TSNARE1: variants seen among roughly 807,000 people sequenced by gnomAD.
The protein encoded by TSNARE1 is t-SNARE domain containing 1.
TSNARE1 carries 49 observed loss-of-function variants against 62.0 expected under a neutral mutation model. That is an observed-to-expected ratio of 0.79 (90% CI 0.63 to 1.00). The LOEUF (loss-of-function observed/expected upper bound fraction) is 1.00, where lower values mean the gene tolerates loss of function less well. TSNARE1 is among the 50% of genes least tolerant of loss of function. The pLI is 0.00. For synonymous variants in TSNARE1, 328 were observed against 294.4 expected, an observed-to-expected ratio of 1.11 and a Z score of -1.17; for missense variants, 755 against 700.1, an observed-to-expected ratio of 1.08 and a Z score of -0.88.
intron 4 of TSNARE1, among the ~76,000 whole-genome samples, chr8:142,340,269 C>T (rs1244401650): frequency 6.6e-6 from 1 of 152,242 alleles, no homozygotes; most frequent in Admixed American, 6.5e-5. Context: ...GAGGCATGTC[C>T]CGTGTTTCCT....
chr8:142,246,821 G>A (rs1021255883), intron 12 of TSNARE1, among the ~76,000 whole-genome samples: 1 of 152,190 alleles, frequency 6.6e-6, no homozygotes, highest in African/African-American at 2.4e-5. Context: ...CCTCCTTCCA[G>A]TCATCCCCAC....
chr8:142,343,228 G>A (rs547815578), intron 4 of TSNARE1, among the ~76,000 whole-genome samples: 32 of 152,334 alleles, frequency 2.1e-4, no homozygotes, highest in East Asian at 1.4e-3. Flanking sequence ...ACCACAGGGC[G>A]GCGCCAGCCT....
At chr8:142,307,648 A>G (rs1415337405) in intron 9 of TSNARE1, among the ~76,000 whole-genome samples, 2 of 152,256 alleles carry the variant, frequency 1.3e-5, no homozygotes, top group Non-Finnish European at 2.9e-5. Context: ...TGTTCAGAAC[A>G]GCTGCCATCT....
In TSNARE1 at chr8:142,335,077, T is replaced by C. The variant is rs78326650; in HGVS notation, c.746-3246A>G. 5.7e-3 allele frequency among the ~76,000 whole-genome samples: 873 copies of C among 152,354 alleles called. 11 individuals are homozygous for C. Among genetic ancestry groups the C allele is most frequent in the African/African-American group, 0.02 (832 of 41,572 alleles). On this transcript the variant is annotated intron_variant, in intron 4 of 13. Transcript: ENST00000524325. ...TGTAAAAGCAAAATCCGTAACTATG[T>C]GCCGGGGTCATCATGTGTTATAAAT...
chr8:142,314,877 C>T (rs1014696945), intron 8 of TSNARE1, 126 bp downstream of exon 8: 6 of 889,206 alleles, frequency 6.7e-6, no homozygotes, highest in Non-Finnish European at 1.1e-5. Flanking sequence ...GAACAACCCT[C>T]TTCTCTGCCT....
At chr8:142,255,842 C>T (rs868645415) in intron 12 of TSNARE1, among the ~76,000 whole-genome samples, 4 of 70,772 alleles carry the variant, frequency 5.7e-5, no homozygotes, top group South Asian at 5.1e-4. Flanking sequence ...ACCACCACCA[C>T]CATCACCACC....
intron 12 of TSNARE1, among the ~76,000 whole-genome samples, chr8:142,238,084 C>A (rs1188531190): frequency 6.6e-6 from 1 of 152,146 alleles, no homozygotes; most frequent in Non-Finnish European, 1.5e-5. Flanking sequence ...CTGTGACTGT[C>A]AGGCATCCTG....
In TSNARE1 at chr8:142,401,266, C is replaced by T. The variant is rs186440367; in HGVS notation, c.-40+1838G>A. On this transcript the variant is annotated intron_variant, in intron 1 of 13. Transcript: ENST00000524325. Reference sequence around the variant, plus strand: ...CCTACTCTCGGTGCTGGGTGGGGTGCTCAGGACACAAGGGTGACACAGCAG... The same window carrying T: ...CCTACTCTCGGTGCTGGGTGGGGTGTTCAGGACACAAGGGTGACACAGCAG... Among the ~76,000 whole-genome samples the T allele has an allele frequency of 2.4e-4, 36 of 152,160 alleles. 1 individual carries two copies. Among genetic ancestry groups the T allele is most frequent in the Admixed American group, 2.0e-3 (30 of 15,276 alleles).
intron 1 of TSNARE1, among the ~76,000 whole-genome samples, chr8:142,396,897 G>A (rs183074255): frequency 5.3e-4 from 80 of 152,352 alleles, no homozygotes; most frequent in African/African-American, 1.7e-3. Flanking sequence ...TCTACTGTGC[G>A]AGCTGGCCGT....
At chr8:142,224,137 G>A (rs11988625) in intron 13 of TSNARE1, among the ~76,000 whole-genome samples, 48,100 of 152,034 alleles carry the variant, frequency 0.32, 8,522 homozygotes, top group Non-Finnish European at 0.4. Flanking sequence ...TACAGCAAGA[G>A]GCCTCCTCAC....
intron 13 of TSNARE1, among the ~76,000 whole-genome samples, chr8:142,228,495 G>A (rs142962968): frequency 1.6e-3 from 242 of 152,270 alleles, no homozygotes; most frequent in African/African-American, 5.1e-3. Context: ...CCTCACTGAC[G>A]CCTCATTCCT....
At chr8:142,255,107 C>T (rs1415099234) in intron 12 of TSNARE1, among the ~76,000 whole-genome samples, 4 of 152,026 alleles carry the variant, frequency 2.6e-5, no homozygotes, top group African/African-American at 9.7e-5. Context: ...TACAGAGGCC[C>T]CCAGCGGCTG....
chr8:142,273,701 G>A, intron 12 of TSNARE1: 1 of 985,418 alleles, frequency 1.0e-6, no homozygotes, highest in Non-Finnish European at 1.2e-6. Flanking sequence ...CACTCCCACA[G>A]TGGGGGTGCC....
chr8:142,223,984 T>C (rs192892951), intron 13 of TSNARE1, among the ~76,000 whole-genome samples: 4 of 48,422 alleles, frequency 8.3e-5, no homozygotes, highest in East Asian at 5.9e-4. Flanking sequence ...CAGGGCTTTC[T>C]GAAGAGACTG....
chr8:142,281,377 G>A (rs973691260), intron 11 of TSNARE1, among the ~76,000 whole-genome samples: 3 of 152,076 alleles, frequency 2.0e-5, no homozygotes, highest in Non-Finnish European at 2.9e-5. Flanking sequence ...CCCTCCAGTG[G>A]GAGCGGGAAA....
At chr8:142,379,150 C>T (rs1462143179) in intron 1 of TSNARE1, among the ~76,000 whole-genome samples, 1 of 152,228 alleles carries the variant, frequency 6.6e-6, no homozygotes, top group East Asian at 1.9e-4. Flanking sequence ...CCCACGTCAG[C>T]GCCTCAGCAG....
intron 1 of TSNARE1, chr8:142,402,770 C>G (rs910493696): frequency 1.3e-5 from 2 of 152,260 alleles, no homozygotes; most frequent in African/African-American, 4.8e-5. Context: ...CACCGGCTGC[C>G]CGGCCCAGAG....
intron 13 of TSNARE1, among the ~76,000 whole-genome samples, chr8:142,228,137 G>C (rs1816926260): frequency 6.6e-6 from 1 of 152,202 alleles, no homozygotes; most frequent in Non-Finnish European, 1.5e-5. Flanking sequence ...ATGCAGCAAT[G>C]GCCAACATCT....
intron 12 of TSNARE1, among the ~76,000 whole-genome samples, chr8:142,256,543 C>T (rs1204066634): frequency 7.1e-5 from 3 of 42,378 alleles, no homozygotes; most frequent in African/African-American, 1.4e-4. Context: ...TCACCATCAC[C>T]ACCATCACCA....
Sources: gnomAD v4.1 joint callset for allele counts (sites outside exome capture counted in the v4.1 genomes callset) on GRCh38, gnomAD v4.1.1 for gene constraint, MANE v1.5 for transcripts, NCBI Gene and HGNC (gene_info 2026-07-23, HGNC 2026-07-21) for gene names.